Variants in RSPO2 observed in about 807,000 individuals in gnomAD.
RSPO2 encodes the protein R-spondin-2.
In RSPO2, 14 loss-of-function variants were observed where a neutral mutation model predicts 30.9. The observed-to-expected ratio is 0.45, with a 90% CI of 0.30 to 0.71. The LOEUF is 0.71. RSPO2 is among the 30% of genes least tolerant of loss of function. RSPO2 has a pLI of 0.08. For synonymous variants in RSPO2, 107 were observed against 96.4 expected (o/e 1.11, Z -0.64); for missense variants, 264 against 301.9 (o/e 0.87, Z 0.93).
intron 2 of RSPO2, among the ~76,000 whole-genome samples, chr8:108,076,283 A>AAAAGGCTGG (rs777642832): frequency 3.3e-5 from 5 of 152,230 alleles, no homozygotes; most frequent in Admixed American, 6.5e-5. Flanking sequence ...ACTGCTATAG[A>AAAAGGCTGG]AAAGGCTGGT....
At chr8:107,948,866 A>AAT (rs1554575498) in intron 5 of RSPO2, among the ~76,000 whole-genome samples, 1 of 145,798 alleles carries the variant, frequency 6.9e-6, no homozygotes, top group African/African-American at 2.5e-5. Flanking sequence ...TCTCAAAAAA[A>AAT]AAATAAATAA....
intron 2 of RSPO2, among the ~76,000 whole-genome samples, chr8:108,025,489 CTA>C (rs1352057852): frequency 6.6e-6 from 1 of 152,130 alleles, no homozygotes; most frequent in Non-Finnish European, 1.5e-5. Flanking sequence ...ATCTATACTG[CTA>C]TAAATAAGTA....
intron 2 of RSPO2, among the ~76,000 whole-genome samples, chr8:108,009,228 T>C (rs958341497): frequency 2.0e-5 from 3 of 152,202 alleles, no homozygotes; most frequent in Admixed American, 1.3e-4. Flanking sequence ...CTATGAAATA[T>C]GAATTTCATA....
chr8:108,032,561 A>G (rs774523799), intron 2 of RSPO2, among the ~76,000 whole-genome samples: 1 of 152,194 alleles, frequency 6.6e-6, no homozygotes. Context: ...ATTAAAATAA[A>G]TGAAAATCAA....
rs747320472 is a variant in RSPO2, at chr8:107,900,495, G to A, written c.*580C>T. Reference sequence around the variant, plus strand: ...ACCCACAAGAAAGCATAAATATACAGTAAATAAGAGCTTTATATGTAGCTC... The same window carrying A: ...ACCCACAAGAAAGCATAAATATACAATAAATAAGAGCTTTATATGTAGCTC... On this transcript the variant is annotated 3_prime_UTR_variant, in exon 6 of 6. Transcript: ENST00000276659. 4 of 152,552 alleles carry A rather than the reference G, an allele frequency of 2.6e-5. No homozygotes were observed. Among genetic ancestry groups the A allele is most frequent in the Non-Finnish European group, 4.4e-5 (3 of 68,032 alleles). The allele number at this position is 152,552 out of a possible 1,614,324, so 9.4% of individuals were successfully genotyped here.
intron 2 of RSPO2, among the ~76,000 whole-genome samples, chr8:108,021,847 A>G (rs905971127): frequency 6.6e-6 from 1 of 152,076 alleles, no homozygotes; most frequent in African/African-American, 2.4e-5. Context: ...AACCTAGATG[A>G]TGGGTTGATG....
intron 3 of RSPO2, among the ~76,000 whole-genome samples, chr8:107,979,523 G>T (rs995799054): frequency 6.6e-6 from 1 of 152,158 alleles, no homozygotes; most frequent in African/African-American, 2.4e-5. Flanking sequence ...ACACACTGGG[G>T]ACTGTTGTGG....
At chr8:107,993,268 G>A (rs997501378) in intron 2 of RSPO2, among the ~76,000 whole-genome samples, 1 of 152,076 alleles carries the variant, frequency 6.6e-6, no homozygotes, top group Non-Finnish European at 1.5e-5. Context: ...TTCTAAACCA[G>A]TGACAGCTAC....
chr8:107,979,831 G>A (rs115663041), intron 3 of RSPO2, among the ~76,000 whole-genome samples: 1,716 of 152,090 alleles, frequency 0.011, 39 homozygotes, highest in African/African-American at 0.038. Flanking sequence ...CTGAAGTCCC[G>A]GTTTCTGGCC....
intron 5 of RSPO2, among the ~76,000 whole-genome samples, chr8:107,919,416 CA>C (rs1812082758): frequency 6.6e-6 from 1 of 152,162 alleles, no homozygotes; most frequent in Non-Finnish European, 1.5e-5. Flanking sequence ...AGCCCTTTCA[CA>C]AAACAAACCT....
intron 2 of RSPO2, among the ~76,000 whole-genome samples, chr8:108,017,711 A>T (rs1004690858): frequency 3.3e-5 from 5 of 152,234 alleles, no homozygotes; most frequent in Admixed American, 3.3e-4. Context: ...CAACTTTGAT[A>T]AAAACAAAAT....
intron 5 of RSPO2, among the ~76,000 whole-genome samples, chr8:107,919,882 G>A (rs1812097653): frequency 1.3e-5 from 2 of 152,118 alleles, no homozygotes; most frequent in Admixed American, 6.6e-5. Context: ...TTGCAAAATT[G>A]CTATAGTAAA....
At position 108,080,915 on chromosome 8, in the gene RSPO2, C is replaced by G. The variant is rs115110263; in HGVS notation, c.94+1630G>C. The stretch of plus-strand genomic sequence containing the variant: ...ATAATGTAATCAAAAATTGCTGGCT[C>G]TGCCGAATACTCGAAAGAAAGTACT... On this transcript the variant is annotated intron_variant, in intron 2 of 5. Coordinates refer to ENST00000276659, the MANE Select transcript of RSPO2 (RefSeq NM_178565.5). 8.7e-3 allele frequency among the ~76,000 whole-genome samples: 1,318 copies of G among 152,256 alleles called. 35 individuals carry two copies. The highest frequency in any genetic ancestry group is 0.03 in the African/African-American group (1,254 of 41,554).
chr8:107,930,398 GAA>G (rs1415056701), intron 5 of RSPO2, among the ~76,000 whole-genome samples: 1 of 152,170 alleles, frequency 6.6e-6, no homozygotes, highest in Admixed American at 6.5e-5. Context: ...AAGATAAAGA[GAA>G]ATTAAATTTC....
chr8:108,082,851 G>C (rs1012166782), intron 1 of RSPO2, 44 bp from the exon 2 acceptor site: 15 of 520,110 alleles, frequency 2.9e-5, no homozygotes, highest in African/African-American at 2.5e-4. Context: ...GGGATGGAGA[G>C]AGCCCCGGGG....
intron 5 of RSPO2, among the ~76,000 whole-genome samples, chr8:107,916,076 T>C (rs1426427412): frequency 1.3e-5 from 2 of 152,212 alleles, no homozygotes; most frequent in African/African-American, 4.8e-5. Context: ...ATGTGTTGTA[T>C]ATGTGATGTT....
chr8:107,938,355 C>A (rs1030891254), intron 5 of RSPO2, among the ~76,000 whole-genome samples: 2 of 152,120 alleles, frequency 1.3e-5, no homozygotes, highest in African/African-American at 4.8e-5. Context: ...TTAAATCTTT[C>A]ATTTATGAAT....
intron 2 of RSPO2, among the ~76,000 whole-genome samples, chr8:107,993,474 G>A (rs951052575): frequency 2.0e-5 from 3 of 152,104 alleles, no homozygotes; most frequent in Non-Finnish European, 4.4e-5. Context: ...ATACAAAAAA[G>A]AGCATGCTCT....
intron 5 of RSPO2, among the ~76,000 whole-genome samples, chr8:107,914,340 A>G (rs1811911931): frequency 1.3e-5 from 2 of 152,080 alleles, no homozygotes; most frequent in African/African-American, 4.8e-5. Flanking sequence ...GCTTTTGATG[A>G]TTTAAGGCAG....
Sources: gnomAD v4.1 joint callset for allele counts (sites outside exome capture counted in the v4.1 genomes callset) on GRCh38, gnomAD v4.1.1 for gene constraint, MANE v1.5 for transcripts, NCBI Gene and HGNC (gene_info 2026-07-23, HGNC 2026-07-21) for gene names.